The following AHCYL2 variants were observed in gnomAD, a reference collection of about 807,000 sequenced individuals.
AHCYL2 encodes the protein adenosylhomocysteinase like 2, also known as S-adenosylhomocysteine hydrolase-like protein 2.
In AHCYL2, 28 loss-of-function variants were observed where a neutral mutation model predicts 81.4. The observed-to-expected ratio is 0.34, with a 90% CI of 0.25 to 0.47. The LOEUF is 0.47. AHCYL2 is among the 20% of genes least tolerant of loss of function. The pLI is 1.00. For missense variants in AHCYL2, 551 were observed against 785.1 expected, an observed-to-expected ratio of 0.70 and a Z score of 3.56; for synonymous variants, 272 against 290.2, an observed-to-expected ratio of 0.94 and a Z score of 0.64.
At chr7:129,328,333 A>T (rs1212297445) in intron 1 of AHCYL2, among the ~76,000 whole-genome samples, 2 of 151,652 alleles carry the variant, frequency 1.3e-5, no homozygotes, top group Admixed American at 1.3e-4. Context: ...ATGGGCCACC[A>T]CGCCCGGCTA....
rs1345307139 is a variant in AHCYL2, at chr7:129,340,523, G to C, written c.364-39115G>C. 2.0e-5 allele frequency among the ~76,000 whole-genome samples: 3 copies of C among 148,906 alleles called. No homozygotes were observed. The South Asian group carries it at 6.3e-4, about 31-fold the overall frequency. On this transcript the variant is annotated intron_variant, in intron 1 of 16. Transcript: ENST00000325006. ...GCGGAACTTGCAGTGAGCCGAGATC[G>C]CGCCACTGCACTCCAGCCTGGGAGA...
At chr7:129,282,220 T>G (rs1796470503) in intron 1 of AHCYL2, among the ~76,000 whole-genome samples, 1 of 152,140 alleles carries the variant, frequency 6.6e-6, no homozygotes, top group Non-Finnish European at 1.5e-5. Context: ...TTTTCTTGTG[T>G]TTTTTGTTCT....
At chr7:129,272,480 G>T (rs927944850) in intron 1 of AHCYL2, among the ~76,000 whole-genome samples, 3 of 152,198 alleles carry the variant, frequency 2.0e-5, no homozygotes, top group Non-Finnish European at 2.9e-5. Flanking sequence ...ATAAGGTGCT[G>T]CCAAAACCTA....
At chr7:129,424,399 A>T (rs1036614885) in intron 13 of AHCYL2, among the ~76,000 whole-genome samples, 1 of 128,398 alleles carries the variant, frequency 7.8e-6, no homozygotes, top group African/African-American at 3.0e-5. Flanking sequence ...GACTCCATCT[A>T]ATCAATCAAT....
chr7:129,327,201 C>T (rs996163134), intron 1 of AHCYL2, among the ~76,000 whole-genome samples: 1 of 152,062 alleles, frequency 6.6e-6, no homozygotes, highest in African/African-American at 2.4e-5. Context: ...AGTGTGGAGT[C>T]TCCATGATGG....
intron 1 of AHCYL2, among the ~76,000 whole-genome samples, chr7:129,314,527 G>A (rs1300568022): frequency 1.3e-5 from 2 of 152,146 alleles, no homozygotes; most frequent in Non-Finnish European, 2.9e-5. Context: ...TCAGTTTCTG[G>A]TTAGGGCCCA....
chr7:129,231,009 G>T (rs924227445), intron 1 of AHCYL2, among the ~76,000 whole-genome samples: 1 of 152,150 alleles, frequency 6.6e-6, no homozygotes, highest in Non-Finnish European at 1.5e-5. Context: ...GAGGTGGGCA[G>T]ATCATGAGGT....
intron 1 of AHCYL2, among the ~76,000 whole-genome samples, chr7:129,322,419 C>CAT (rs1798070576): frequency 1.4e-5 from 2 of 147,476 alleles, no homozygotes; most frequent in African/African-American, 5.3e-5. Context: ...GGATTACAGG[C>CAT]GCACTGCGCC....
rs57666606 is a variant in AHCYL2 at position 129,292,199 on chromosome 7, G to A, written c.363+66760G>A. On this transcript the variant is annotated intron_variant, in intron 1 of 16. Coordinates refer to ENST00000325006, the MANE Select transcript of AHCYL2 (RefSeq NM_015328.4). ...TGATTAGATAATTATAACTTGTTTT[G>A]TGTGGTTATAAACAGGTTCATAACA... Among the ~76,000 whole-genome samples the A allele has an allele frequency of 1.8e-3, 269 of 152,146 alleles. 1 individual carries two copies. Among genetic ancestry groups the A allele is most frequent in the African/African-American group, 6.2e-3 (257 of 41,500 alleles).
At chr7:129,245,813 G>A (rs1003299418) in intron 1 of AHCYL2, among the ~76,000 whole-genome samples, 19 of 152,128 alleles carry the variant, frequency 1.2e-4, no homozygotes, top group Non-Finnish European at 2.4e-4. Context: ...TATGAACATT[G>A]CCATACAAAT....
At chr7:129,321,495 A>G (rs974424901) in intron 1 of AHCYL2, among the ~76,000 whole-genome samples, 1 of 152,186 alleles carries the variant, frequency 6.6e-6, no homozygotes, top group Non-Finnish European at 1.5e-5. Flanking sequence ...CCAATCTTGC[A>G]TTATGAGATA....
At chr7:129,403,901 G>GAGGTATGAGGGAA (rs1237699947) in intron 7 of AHCYL2, among the ~76,000 whole-genome samples, 3 of 141,356 alleles carry the variant, frequency 2.1e-5, no homozygotes, top group Admixed American at 7.4e-5. Flanking sequence ...ATTGGAGCCT[G>GAGGTATGAGGGAA]CTATGAGGTA....
chr7:129,276,945 A>G (rs1584733980), intron 1 of AHCYL2, among the ~76,000 whole-genome samples: 1 of 152,292 alleles, frequency 6.6e-6, no homozygotes. Flanking sequence ...TGTATTATTA[A>G]CAAATCTATG....
At chr7:129,303,182 T>G (rs1797310950) in intron 1 of AHCYL2, among the ~76,000 whole-genome samples, 1 of 152,170 alleles carries the variant, frequency 6.6e-6, no homozygotes, top group Admixed American at 6.5e-5. Context: ...GTATTTTTAG[T>G]AGAGACTGGT....
intron 1 of AHCYL2, among the ~76,000 whole-genome samples, chr7:129,248,588 G>T (rs1795140765): frequency 7.0e-6 from 1 of 143,040 alleles, no homozygotes. Flanking sequence ...AGGGCTGACT[G>T]TTGGAATTGG....
At chr7:129,326,305 T>C (rs374892685) in intron 1 of AHCYL2, among the ~76,000 whole-genome samples, 1 of 152,064 alleles carries the variant, frequency 6.6e-6, no homozygotes, top group Non-Finnish European at 1.5e-5. Context: ...GGTGAGTGGA[T>C]CACCTGAGGT....
At chr7:129,246,634 C>T (rs536112747) in intron 1 of AHCYL2, among the ~76,000 whole-genome samples, 1 of 152,182 alleles carries the variant, frequency 6.6e-6, no homozygotes, top group South Asian at 2.1e-4. Context: ...GTAGCTGGGG[C>T]TATAGTTGCG....
intron 1 of AHCYL2, among the ~76,000 whole-genome samples, chr7:129,318,590 CAA>C (rs1432905892): frequency 1.3e-5 from 2 of 152,034 alleles, no homozygotes; most frequent in Non-Finnish European, 2.9e-5. Flanking sequence ...TTTGGGTAGC[CAA>C]TATGGAAAAT....
intron 1 of AHCYL2, among the ~76,000 whole-genome samples, chr7:129,245,142 A>G (rs1214486071): frequency 6.7e-6 from 1 of 149,126 alleles, no homozygotes; most frequent in Non-Finnish European, 1.5e-5. Context: ...CTCTTACTTC[A>G]GCCTCCCGAG....
Sources: gnomAD v4.1 joint callset for allele counts (sites outside exome capture counted in the v4.1 genomes callset) on GRCh38, gnomAD v4.1.1 for gene constraint, MANE v1.5 for transcripts, NCBI Gene and HGNC (gene_info 2026-07-23, HGNC 2026-07-21) for gene names.